The following TMCC1 variants were observed in gnomAD, a reference collection of about 807,000 sequenced individuals.
TMCC1 encodes transmembrane and coiled-coil domains protein 1.
In TMCC1, 15 loss-of-function variants were observed where a neutral mutation model predicts 52.4. That is an observed-to-expected ratio of 0.29 (90% CI 0.19 to 0.44). The LOEUF is 0.44. Ranked by LOEUF, TMCC1 falls within the 20% of genes least tolerant of loss-of-function variation. The probability of loss-of-function intolerance (pLI) is 1.00; values close to 1 mark genes in which losing one functional copy is unlikely to be tolerated. For synonymous variants in TMCC1, 279 were observed against 301.9 expected (o/e 0.92, Z 0.79); for missense variants, 503 against 806.0 (o/e 0.62, Z 4.55).
chr3:129,862,429 T>C (rs2060436954), intron 2 of TMCC1, among the ~76,000 whole-genome samples: 1 of 152,166 alleles, frequency 6.6e-6, no homozygotes, highest in Non-Finnish European at 1.5e-5. Context: ...GTGCATGACA[T>C]ACAGATACTC....
chr3:129,778,110 C>G (rs1196328424), intron 4 of TMCC1, among the ~76,000 whole-genome samples: 1 of 152,138 alleles, frequency 6.6e-6, no homozygotes, highest in Non-Finnish European at 1.5e-5. Context: ...GTTCTTTTGT[C>G]CAGACCACGT....
intron 2 of TMCC1, among the ~76,000 whole-genome samples, chr3:129,840,582 T>A (rs2059379397): frequency 6.6e-6 from 1 of 152,134 alleles, no homozygotes; most frequent in Admixed American, 6.5e-5. Context: ...TGAATTGTAA[T>A]CCACACATGT....
intron 1 of TMCC1, among the ~76,000 whole-genome samples, chr3:129,888,345 T>C (rs1028945356): frequency 1.3e-5 from 2 of 152,236 alleles, no homozygotes; most frequent in Non-Finnish European, 2.9e-5. Context: ...CACAGGTTAA[T>C]ATGTACACAT....
At chr3:129,792,583 G>GT (rs1359757530) in intron 4 of TMCC1, among the ~76,000 whole-genome samples, 23 of 152,188 alleles carry the variant, frequency 1.5e-4, no homozygotes, top group African/African-American at 5.5e-4. Context: ...TGCTGAGTTT[G>GT]TTTTTTAAAC....
chr3:129,870,354 C>T (rs2060852230), intron 2 of TMCC1, among the ~76,000 whole-genome samples: 1 of 152,098 alleles, frequency 6.6e-6, no homozygotes, highest in South Asian at 2.1e-4. Flanking sequence ...GGAAATCTTA[C>T]AACTTCTGAA....
chr3:129,733,545 G>A (rs560775444), intron 4 of TMCC1, among the ~76,000 whole-genome samples: 1 of 152,216 alleles, frequency 6.6e-6, no homozygotes, highest in East Asian at 1.9e-4. Flanking sequence ...TGCCCTGACT[G>A]GTATCAGTCA....
chr3:129,748,938 T>G (rs1389100138), intron 4 of TMCC1, among the ~76,000 whole-genome samples: 1 of 151,836 alleles, frequency 6.6e-6, no homozygotes, highest in African/African-American at 2.4e-5. Flanking sequence ...GGCACAAGAA[T>G]CCTTTGAAGC....
In TMCC1 at chr3:129,771,797, A is replaced by AAAGAAG. The variant is rs1344907598; in HGVS notation, c.576+56000_576+56005dup. Among the ~76,000 whole-genome samples, 110 of 86,878 alleles carry AAAGAAG rather than the reference A, an allele frequency of 1.3e-3. 1 individual carries two copies. Among genetic ancestry groups the AAAGAAG allele is most frequent in the Non-Finnish European group, 1.8e-3 (77 of 42,086 alleles). The allele number at this position is 86,878 out of a possible 152,430, so 57.0% of individuals were successfully genotyped here. ...CTCAAAAAAAAAAAAAAAAAAAAAA[A>AAAGAAG]AAGAAGAAGAAGAAAAAACAATTGA... On this transcript the variant is annotated intron_variant, in intron 4 of 6. Transcript: ENST00000393238.
chr3:129,877,632 T>G (rs1270661961), intron 2 of TMCC1, among the ~76,000 whole-genome samples: 1 of 149,936 alleles, frequency 6.7e-6, no homozygotes, highest in Non-Finnish European at 1.5e-5. Flanking sequence ...GTCTTTTTTT[T>G]TTTTTTTTTT....
chr3:129,865,648 A>C (rs1250337012), intron 2 of TMCC1, among the ~76,000 whole-genome samples: 1 of 152,222 alleles, frequency 6.6e-6, no homozygotes, highest in Non-Finnish European at 1.5e-5. Context: ...TAGATGCTTA[A>C]TAAATGTCAG....
chr3:129,828,735 T>C lies in TMCC1; in HGVS notation c.-130-227A>G, dbSNP rs1046495773. ...AGCCCAGAACAAGTCCATAGGAAAT[T>C]AAAACAGCAATGTTCAAAAGCAAAA... On this transcript the variant is annotated intron_variant, in intron 3 of 6. Coordinates refer to ENST00000393238, the MANE Select transcript of TMCC1 (RefSeq NM_001017395.5). This position sits in a 1 kb window ranked among gnomAD's most constrained non-coding sequence, Gnocchi z 4.1. Among the ~76,000 whole-genome samples, 4 of 152,144 alleles carry C rather than the reference T, an allele frequency of 2.6e-5. No homozygotes were observed. Among genetic ancestry groups the C allele is most frequent in the African/African-American group, 9.7e-5 (4 of 41,450 alleles).
chr3:129,694,348 T>C (rs187397057), intron 4 of TMCC1, among the ~76,000 whole-genome samples: 41 of 152,356 alleles, frequency 2.7e-4, no homozygotes, highest in Admixed American at 2.4e-3. Flanking sequence ...TATGACTAAC[T>C]AGCACTGTGG....
intron 2 of TMCC1, among the ~76,000 whole-genome samples, chr3:129,838,034 G>A (rs1191034568): frequency 1.3e-5 from 2 of 152,174 alleles, no homozygotes; most frequent in African/African-American, 4.8e-5. Flanking sequence ...CAGAAGAAGA[G>A]ACAACAGAGA....
At chr3:129,887,725 G>C (rs2108013070) in intron 1 of TMCC1, among the ~76,000 whole-genome samples, 1 of 152,258 alleles carries the variant, frequency 6.6e-6, no homozygotes, top group South Asian at 2.1e-4. Flanking sequence ...TAAAAGATCA[G>C]TGAGGTTGCC....
chr3:129,878,243 C>T (rs942659882), intron 2 of TMCC1, among the ~76,000 whole-genome samples: 84 of 152,242 alleles, frequency 5.5e-4, no homozygotes, highest in African/African-American at 2.0e-3. Flanking sequence ...GGATTACAGG[C>T]GTGAGCCACT....
At chr3:129,846,172 G>C (rs2059657157) in intron 2 of TMCC1, among the ~76,000 whole-genome samples, 1 of 152,030 alleles carries the variant, frequency 6.6e-6, no homozygotes, top group African/African-American at 2.4e-5. Flanking sequence ...TTCTCTTTTG[G>C]GCTGGGCATG....
intron 1 of TMCC1, among the ~76,000 whole-genome samples, chr3:129,881,885 A>G (rs1386011185): frequency 1.3e-5 from 2 of 152,204 alleles, no homozygotes; most frequent in Non-Finnish European, 2.9e-5. Context: ...TCAAGAACCT[A>G]ATAATATATA....
intron 4 of TMCC1, among the ~76,000 whole-genome samples, chr3:129,736,785 G>C (rs1416095979): frequency 6.6e-6 from 1 of 152,012 alleles, no homozygotes; most frequent in Non-Finnish European, 1.5e-5. Context: ...CTCCCAAAGT[G>C]CTGGGATTAC....
intron 2 of TMCC1, among the ~76,000 whole-genome samples, 160 bp downstream of exon 2, chr3:129,880,149 G>C (rs1302863669): frequency 6.6e-6 from 1 of 152,218 alleles, no homozygotes; most frequent in Non-Finnish European, 1.5e-5. Context: ...GAAAGTTCTT[G>C]TTGAGCTACA....
Sources: gnomAD v4.1 joint callset for allele counts (sites outside exome capture counted in the v4.1 genomes callset) on GRCh38, gnomAD v4.1.1 for gene constraint, Gnocchi (gnomAD v3.1) non-coding constraint, MANE v1.5 for transcripts, NCBI Gene and HGNC (gene_info 2026-07-23, HGNC 2026-07-21) for gene names.